Variants in KLRG1 observed in about 807,000 individuals in gnomAD.
KLRG1 encodes killer cell lectin like receptor G1, also known as killer cell lectin-like receptor subfamily G member 1.
Under a neutral mutation model 21.8 loss-of-function variants are expected in KLRG1, and 16 were observed. That is an observed-to-expected ratio of 0.73 (90% CI 0.50 to 1.11). KLRG1 has a LOEUF of 1.11. Ranked by LOEUF, KLRG1 falls within the 50% of genes most tolerant of loss-of-function variation. The pLI, the probability that KLRG1 is intolerant of heterozygous loss-of-function variation, is 0.00. For missense variants in KLRG1, 173 were observed against 218.3 expected, an observed-to-expected ratio of 0.79 and a Z score of 1.31; for synonymous variants, 69 against 75.9, an observed-to-expected ratio of 0.91 and a Z score of 0.47.
chr12:9,119,836 A>T, the KLRG1 span, among the ~76,000 whole-genome samples: 11 of 152,182 alleles, frequency 7.2e-5, no homozygotes, highest in Non-Finnish European at 1.3e-4. Context: ...AAAGGAAAGT[A>T]TTACTAAAAT....
chr12:9,029,027 C>T, the KLRG1 span: 2 of 578,434 alleles, frequency 3.5e-6, no homozygotes, highest in East Asian at 3.8e-5. Context: ...TTTCAAAGCT[C>T]AACCATCCAA....
chr12:9,148,812 T>C, the KLRG1 span: 5 of 616,644 alleles, frequency 8.1e-6, no homozygotes, highest in African/African-American at 1.9e-5. Flanking sequence ...GTTATTAATG[T>C]CTGATGAATG....
chr12:9,077,819 C>T, the KLRG1 span: 10 of 1,614,086 alleles, frequency 6.2e-6, no homozygotes, highest in East Asian at 2.2e-5. Context: ...GATGTAGGCT[C>T]GAGCTTGGGC....
At chr12:9,115,896 A>G in the KLRG1 span, 1 of 1,470,522 alleles carries the variant, frequency 6.8e-7, no homozygotes, top group South Asian at 1.1e-5. Flanking sequence ...ATTGTACCCT[A>G]CTCCCTACAA....
At chr12:9,083,865 C>A in the KLRG1 span, among the ~76,000 whole-genome samples, 8 of 151,238 alleles carry the variant, frequency 5.3e-5, no homozygotes, top group African/African-American at 1.9e-4. Context: ...GAAAGAACTG[C>A]TCACTAAGAC....
chr12:9,053,105 C>G, the KLRG1 span, among the ~76,000 whole-genome samples: 1 of 152,104 alleles, frequency 6.6e-6, no homozygotes, highest in East Asian at 1.9e-4. Flanking sequence ...CCTCTGGGCA[C>G]TTCGGGTTCC....
At chr12:9,109,490 T>A in the KLRG1 span, 1 of 1,016,384 alleles carries the variant, frequency 9.8e-7, no homozygotes, top group Non-Finnish European at 1.5e-6. Context: ...AACAGTTCCC[T>A]AATAATATTT....
the KLRG1 span, among the ~76,000 whole-genome samples, chr12:9,178,051 C>T: frequency 4.6e-5 from 7 of 152,232 alleles, no homozygotes; most frequent in Middle Eastern, 3.4e-3. Flanking sequence ...AATTATTACG[C>T]TATGAGGAGA....
chr12:9,019,596 G>T, the KLRG1 span, among the ~76,000 whole-genome samples: 7 of 152,234 alleles, frequency 4.6e-5, no homozygotes, highest in Admixed American at 3.3e-4. Flanking sequence ...GTCATAAAAA[G>T]AATGAGATCC....
At chr12:8,986,920 G>C (rs900330061), upstream of KLRG1, among the ~76,000 whole-genome samples, 1 of 152,128 alleles carries the variant, frequency 6.6e-6, no homozygotes, top group African/African-American at 2.4e-5. Flanking sequence ...CGTCTCTCTT[G>C]CTCCTGCTCT....
At chr12:9,211,222 A>T in the KLRG1 span, among the ~76,000 whole-genome samples, 1 of 151,244 alleles carries the variant, frequency 6.6e-6, no homozygotes, top group Non-Finnish European at 1.5e-5. Context: ...TCCTTCTAGG[A>T]CTCCCATAAT....
In KLRG1 at chr12:9,009,100, A is replaced by G. The variant is rs1387618773; in HGVS notation, c.458+25A>G. On this transcript the variant is annotated intron_variant, in intron 4 of 4. Coordinates refer to ENST00000356986, the MANE Select transcript of KLRG1 (RefSeq NM_005810.4). ...GGTAAGGGGCTTCAAAGGAATGCAAAAAAAGAGAGAGAGGAAAAAGGAAAG... is the reference window on the plus strand; with the variant it reads ...GGTAAGGGGCTTCAAAGGAATGCAAGAAAAGAGAGAGAGGAAAAAGGAAAG... 16 of 1,556,000 alleles carry G rather than the reference A, an allele frequency of 1.0e-5. 1 individual carries two copies. The Middle Eastern group carries it at 6.8e-4, about 66-fold the overall frequency.
chr12:9,021,281 A>G, the KLRG1 span, among the ~76,000 whole-genome samples: 76 of 152,354 alleles, frequency 5.0e-4, no homozygotes, highest in Admixed American at 6.5e-4. Context: ...CCACATTACT[A>G]TAGACTTTAT....
the KLRG1 span, chr12:9,202,392 T>C: frequency 6.2e-7 from 1 of 1,614,100 alleles, no homozygotes; most frequent in Non-Finnish European, 8.5e-7. Context: ...AGTTCTCCGA[T>C]AAGATTCAGA....
chr12:9,111,979 A>G, the KLRG1 span: 1 of 772,790 alleles, frequency 1.3e-6, no homozygotes, highest in East Asian at 2.5e-5. Flanking sequence ...GACAGAAAGA[A>G]TTACCTACTT....
chr12:9,162,379 A>C, the KLRG1 span: 2 of 500,990 alleles, frequency 4.0e-6, no homozygotes, highest in Non-Finnish European at 7.0e-6. Context: ...AAGAAAGCCC[A>C]GGTATTAGTC....
the KLRG1 span, among the ~76,000 whole-genome samples, chr12:9,024,388 C>G: frequency 6.6e-6 from 1 of 152,126 alleles, no homozygotes; most frequent in Non-Finnish European, 1.5e-5. Flanking sequence ...TATCCTGTCA[C>G]TTCTACCCCA....
the KLRG1 span, among the ~76,000 whole-genome samples, chr12:9,165,605 G>A: frequency 2.0e-5 from 3 of 152,098 alleles, no homozygotes; most frequent in Non-Finnish European, 4.4e-5. Context: ...TCTGTACTTT[G>A]AATAAAAATA....
chr12:9,113,419 T>A, the KLRG1 span: 1 of 1,613,846 alleles, frequency 6.2e-7, no homozygotes, highest in Non-Finnish European at 8.5e-7. Flanking sequence ...AAGAGGCTCC[T>A]GTTTCCCCTG....
Sources: gnomAD v4.1 joint callset for allele counts (sites outside exome capture counted in the v4.1 genomes callset) on GRCh38, gnomAD v4.1.1 for gene constraint, MANE v1.5 for transcripts, NCBI Gene and HGNC (gene_info 2026-07-23, HGNC 2026-07-21) for gene names.